Variants in IFIT2 observed in about 807,000 individuals in gnomAD.
IFIT2 encodes the protein interferon induced protein with tetratricopeptide repeats 2.
In IFIT2, 3 loss-of-function variants were observed where a neutral mutation model predicts 2.5. That is an observed-to-expected ratio of 1.21 (90% CI 0.55 to 3.14). The LOEUF (loss-of-function observed/expected upper bound fraction) is 3.14. Among genes scored for constraint, IFIT2 ranks in the 30% most tolerant of loss-of-function variants. The probability of loss-of-function intolerance (pLI) is 0.03; values close to 1 mark genes in which losing one functional copy is unlikely to be tolerated. For synonymous variants in IFIT2, 212 were observed against 200.7 expected (o/e 1.06, Z -0.48); for missense variants, 493 against 558.9 (o/e 0.88, Z 1.19).
In IFIT2 at chr10:89,307,969, G is replaced by T. The variant is rs1408917321; in HGVS notation, c.*594G>T. On this transcript the variant is annotated 3_prime_UTR_variant, in exon 2 of 2. Transcript: ENST00000371826. ...TTCAAGTGCCTGATTAATTGAGGTGGCAACATAGTTTGAGACGAGGGCAGA... is the reference window on the plus strand; with the variant it reads ...TTCAAGTGCCTGATTAATTGAGGTGTCAACATAGTTTGAGACGAGGGCAGA... The T allele has an allele frequency of 6.5e-6, 1 of 152,776 alleles. No individual in the cohort carries two copies. The highest frequency in any genetic ancestry group is 2.4e-5 in the African/African-American group (1 of 41,418). The allele number at this position is 152,776 out of a possible 1,614,324, so 9.5% of individuals were successfully genotyped here. A position where few individuals can be genotyped will look rare whatever the true frequency, so the allele number is the denominator to read the frequency against.
Position 89,306,621 on chromosome 10 carries a change from T to C in IFIT2, c.665T>C (p.Met222Thr), listed in dbSNP as rs778078515. 3.1e-6 allele frequency: 5 copies of C among 1,613,906 alleles called. No individual in the cohort carries two copies. The highest frequency in any genetic ancestry group is 3.4e-6 in the Non-Finnish European group (4 of 1,179,958). ...KVLLALKLHK[M>T]REEGEEEGEG... is the part of the protein sequence containing the mutation. Reference sequence around the variant, plus strand: ...CTCCTGGCTCTGAAGCTTCATAAGATGCGTGAAGAAGGTGAAGAGGAAGGT... The same window carrying C: ...CTCCTGGCTCTGAAGCTTCATAAGACGCGTGAAGAAGGTGAAGAGGAAGGT... The change falls in exon 2 of 2, where the codon ATG (methionine) becomes ACG (threonine). Residue 222 changes from methionine to threonine, a missense_variant. Transcript: ENST00000371826.
At chr10:89,304,707 C>T (rs999817807) in intron 1 of IFIT2, among the ~76,000 whole-genome samples, 8 of 152,176 alleles carry the variant, frequency 5.3e-5, no homozygotes, top group Middle Eastern at 3.4e-3. Context: ...CAAAGTAATT[C>T]GAAATACAGG....
rs549270880 is a variant in IFIT2 at position 89,303,632 on chromosome 10, C to T, written c.5+1504C>T. Among the ~76,000 whole-genome samples, 7 of 152,166 alleles carry T rather than the reference C, an allele frequency of 4.6e-5. No homozygotes were observed. The East Asian group carries it at 7.7e-4, about 17-fold the overall frequency. Reference sequence around the variant, plus strand: ...AAATGGCTGCTCAAAGGGCTTTTACCTAAGTGTGTATATTAAATATCTCTA... The same window carrying T: ...AAATGGCTGCTCAAAGGGCTTTTACTTAAGTGTGTATATTAAATATCTCTA... On this transcript the variant is annotated intron_variant, in intron 1 of 1. Transcript: ENST00000371826.
In IFIT2 at chr10:89,306,371, G is replaced by T. The variant is rs1007244354; in HGVS notation, c.415G>T (p.Asp139Tyr). 1.2e-6 allele frequency: 2 copies of T among 1,614,052 alleles called. No homozygotes were observed. Among genetic ancestry groups the T allele is most frequent in the African/African-American group, 2.7e-5 (2 of 74,926 alleles). ...SPYRIESPELDCEEGWTRLKC... is the reference protein window; with the variant it reads ...SPYRIESPELYCEEGWTRLKC... ...CTATAGAATTGAGAGTCCAGAGCTTGACTGTGAGGAAGGGTGGACACGGTT... is the reference window on the plus strand; with the variant it reads ...CTATAGAATTGAGAGTCCAGAGCTTTACTGTGAGGAAGGGTGGACACGGTT... Residue 139 changes from aspartate to tyrosine, a missense_variant, in exon 2 of 2, where the codon GAC becomes TAC. By Grantham distance (160) the Asp-to-Tyr change is radical (BLOSUM62 -3). Transcript: ENST00000371826.
rs780155307 is a variant in IFIT2 at position 89,306,748 on chromosome 10, C to A, written c.792C>A (p.Asp264Glu). ...AKFYRRKDEP[D>E]KAIELLKKAL... is the part of the protein sequence containing the mutation. ...TTTATCGAAGAAAAGATGAGCCAGA[C>A]AAAGCGATTGAACTGCTTAAAAAGG... Residue 264 changes from aspartate to glutamate, a missense_variant, in exon 2 of 2, where the codon GAC becomes GAA. Coordinates refer to ENST00000371826, the MANE Select transcript of IFIT2 (RefSeq NM_001547.5). 3.1e-6 allele frequency: 5 copies of A among 1,614,090 alleles called. No individual in the cohort carries two copies. Among genetic ancestry groups the A allele is most frequent in the East Asian group, 4.5e-5 (2 of 44,882 alleles).
chr10:89,304,912 A>G (rs923662423), intron 1 of IFIT2, among the ~76,000 whole-genome samples: 26 of 152,264 alleles, frequency 1.7e-4, no homozygotes, highest in African/African-American at 6.3e-4. Context: ...AAAAGGAGCT[A>G]GTGGCCTTGT....
rs967379600 is a variant in IFIT2, at chr10:89,308,472, T to A, written c.*1097T>A. 6 of 152,222 alleles carry A rather than the reference T, an allele frequency of 3.9e-5. No individual in the cohort carries two copies. The highest frequency in any genetic ancestry group is 8.8e-5 in the Non-Finnish European group (6 of 68,030). The allele number at this position is 152,222 out of a possible 1,614,324, so 9.4% of individuals were successfully genotyped here. On this transcript the variant is annotated 3_prime_UTR_variant, in exon 2 of 2. Coordinates refer to ENST00000371826, the MANE Select transcript of IFIT2 (RefSeq NM_001547.5). Reference sequence around the variant, plus strand: ...TGTCATTGATAATAGATGGTGGGGTTTTCCCCCCTTTAGAAATGTTGGATA... The same window carrying A: ...TGTCATTGATAATAGATGGTGGGGTATTCCCCCCTTTAGAAATGTTGGATA...
rs1180058792 is a variant in IFIT2 at position 89,307,596 on chromosome 10, C to T, written c.*221C>T. On this transcript the variant is annotated 3_prime_UTR_variant, in exon 2 of 2. Transcript: ENST00000371826. ...CCAGATTGGGGGGTAGGTCCACGGG[C>T]TTGGTGATAGAATTATTTCTCGATT... 2 of 442,924 alleles carry T rather than the reference C, an allele frequency of 4.5e-6. No homozygotes were observed. Among genetic ancestry groups the T allele is most frequent in the African/African-American group, 1.9e-5 (1 of 51,650 alleles). 27.4% of individuals were successfully genotyped at this position (442,924 alleles called of 1,614,324 possible). A position where few individuals can be genotyped will look rare whatever the true frequency, so the allele number is the denominator to read the frequency against.
chr10:89,304,685 A>C (rs1481746780), intron 1 of IFIT2, among the ~76,000 whole-genome samples: 1 of 152,198 alleles, frequency 6.6e-6, no homozygotes, highest in Non-Finnish European at 1.5e-5. Flanking sequence ...GGCATAGAAT[A>C]CTATTTATCT....
At position 89,306,538 on chromosome 10, in the gene IFIT2, C is replaced by T. The variant is rs867132557; in HGVS notation, c.582C>T (p.Ala194=). Residue 194 remains alanine, a synonymous_variant, in exon 2 of 2, where the codon GCC becomes GCT. Transcript: ENST00000371826. Reference sequence around the variant, plus strand: ...ACAACTGGCCACCATCTCAGAACGCCATTGACCCTCTGAGGCAAGCCATTC... The same window carrying T: ...ACAACTGGCCACCATCTCAGAACGCTATTGACCCTCTGAGGCAAGCCATTC... The part of the protein sequence containing the change: ...RLDNWPPSQN[A]IDPLRQAIRL... 1.2e-6 allele frequency: 2 copies of T among 1,614,080 alleles called. No homozygotes were observed. The highest frequency in any genetic ancestry group is 4.5e-5 in the East Asian group (2 of 44,872).
intron 1 of IFIT2, 111 bp downstream of exon 1, chr10:89,302,239 T>C: frequency 2.7e-6 from 3 of 1,131,914 alleles, no homozygotes; most frequent in Non-Finnish European, 4.0e-6. Context: ...TGTTTGTTTA[T>C]AGCCTTACTA....
chr10:89,308,860 AT>A lies in IFIT2; in HGVS notation c.*1488del, dbSNP rs1192522314. 6.6e-6 allele frequency: 1 copy of A among 152,214 alleles called. No homozygotes were observed. Among genetic ancestry groups the A allele is most frequent in the Non-Finnish European group, 1.5e-5 (1 of 68,042 alleles). The allele number at this position is 152,214 out of a possible 1,614,324, so 9.4% of individuals were successfully genotyped here. ...GCATTTGAGGTCATCAGGGTGCAAA[AT>A]TTGTATTCCTGAAAATGTCATATAT... On this transcript the variant is annotated 3_prime_UTR_variant, in exon 2 of 2. Coordinates refer to ENST00000371826, the MANE Select transcript of IFIT2 (RefSeq NM_001547.5).
chr10:89,308,568 G>C lies in IFIT2; in HGVS notation c.*1193G>C, dbSNP rs1843498138. On this transcript the variant is annotated 3_prime_UTR_variant, in exon 2 of 2. Coordinates refer to ENST00000371826, the MANE Select transcript of IFIT2 (RefSeq NM_001547.5). ...AATCACAAAATTCACGGTATGCTTGGAACGATTGAGATTTTCTAGGTAGAT... is the reference window on the plus strand; with the variant it reads ...AATCACAAAATTCACGGTATGCTTGCAACGATTGAGATTTTCTAGGTAGAT... 1 of 152,126 alleles carries C rather than the reference G, an allele frequency of 6.6e-6. No homozygotes were observed. The highest frequency in any genetic ancestry group is 2.4e-5 in the African/African-American group (1 of 41,410). 9.4% of individuals were successfully genotyped at this position (152,126 alleles called of 1,614,324 possible). A position where few individuals can be genotyped will look rare whatever the true frequency, so the allele number is the denominator to read the frequency against.
chr10:89,303,591 A>C (rs1385053096), intron 1 of IFIT2, among the ~76,000 whole-genome samples: 1 of 152,198 alleles, frequency 6.6e-6, no homozygotes, highest in Non-Finnish European at 1.5e-5. Flanking sequence ...TCAAGCAGTG[A>C]AGTTGGATGC....
At chr10:89,305,461 A>G (rs1564781198) in intron 1 of IFIT2, among the ~76,000 whole-genome samples, 1 of 152,240 alleles carries the variant, frequency 6.6e-6, no homozygotes, top group Non-Finnish European at 1.5e-5. Flanking sequence ...AGAATATCAA[A>G]GATAAAATGA....
At chr10:89,303,558 C>A (rs1843459316) in intron 1 of IFIT2, among the ~76,000 whole-genome samples, 1 of 152,152 alleles carries the variant, frequency 6.6e-6, no homozygotes, top group Non-Finnish European at 1.5e-5. Context: ...CTCTAACTTA[C>A]CAGTGGAAAT....
In IFIT2 at chr10:89,306,034, G is replaced by C. The variant is rs183467463; in HGVS notation, c.78G>C (p.Glu26Asp). 2 of 1,614,042 alleles carry C rather than the reference G, an allele frequency of 1.2e-6. No homozygotes were observed. Among genetic ancestry groups the C allele is most frequent in the Non-Finnish European group, 8.5e-7 (1 of 1,179,934 alleles). The change falls in exon 2 of 2, where the codon GAG becomes GAC. Residue 26 changes from glutamate to aspartate, a missense_variant. Transcript: ENST00000371826. ...GCCATTTCACCTGGAACTTGATGGAGGGAGAAAACTCCTTGGATGATTTTG... is the reference window on the plus strand; with the variant it reads ...GCCATTTCACCTGGAACTTGATGGACGGAGAAAACTCCTTGGATGATTTTG... ...LKCHFTWNLM[E>D]GENSLDDFED...
chr10:89,305,941 T>C (rs1292345590), intron 1 of IFIT2, 21 bp from the exon 2 acceptor site: 1 of 1,549,550 alleles, frequency 6.5e-7, no homozygotes, highest in East Asian at 2.3e-5. Context: ...TCAAAGTCCA[T>C]CTTTGTGTTT....
rs1843495665 is a variant in IFIT2 at position 89,308,267 on chromosome 10, G to A, written c.*892G>A. 1 of 152,136 alleles carries A rather than the reference G, an allele frequency of 6.6e-6. No homozygotes were observed. Among genetic ancestry groups the A allele is most frequent in the Non-Finnish European group, 1.5e-5 (1 of 68,022 alleles). 9.4% of individuals were successfully genotyped at this position (152,136 alleles called of 1,614,324 possible). A position where few individuals can be genotyped will look rare whatever the true frequency, so the allele number is the denominator to read the frequency against. ...GAGAAAGGAATGCTGGTTTATCTTT[G>A]TAGATTGTAATCGAATGGAGAAATT... On this transcript the variant is annotated 3_prime_UTR_variant, in exon 2 of 2. Transcript: ENST00000371826.
Sources: allele counts gnomAD v4.1 joint callset (sites outside exome capture counted in the v4.1 genomes callset), GRCh38; gene constraint gnomAD v4.1.1; transcripts MANE v1.5; gene names NCBI Gene and HGNC (gene_info 2026-07-23, HGNC 2026-07-21).